Variants in PSD3 observed in about 807,000 individuals in gnomAD.
PSD3 encodes pleckstrin and Sec7 domain containing 3.
Under a neutral mutation model 105.5 loss-of-function variants are expected in PSD3, and 49 were observed. The observed-to-expected ratio is 0.46, with a 90% CI of 0.37 to 0.59. PSD3 has a LOEUF of 0.59. Ranked by LOEUF, PSD3 falls within the 20% of genes least tolerant of loss-of-function variation. The pLI is 0.00. For missense variants in PSD3, 1,561 were observed against 1,263.8 expected, an observed-to-expected ratio of 1.24 and a Z score of -3.57; for synonymous variants, 557 against 457.8, an observed-to-expected ratio of 1.22 and a Z score of -2.77.
chr8:18,764,382 G>A (rs1274001024), intron 9 of PSD3, among the ~76,000 whole-genome samples: 1 of 152,080 alleles, frequency 6.6e-6, no homozygotes, highest in African/African-American at 2.4e-5. Context: ...GGCAGCACTT[G>A]CTGTACAAAG....
chr8:18,795,025 ATAAT>A (rs1810049197), intron 8 of PSD3, among the ~76,000 whole-genome samples: 1 of 152,240 alleles, frequency 6.6e-6, no homozygotes, highest in South Asian at 2.1e-4. Context: ...AGCCAATGCA[ATAAT>A]TAAGTTTATA....
intron 1 of PSD3, among the ~76,000 whole-genome samples, chr8:19,062,032 T>C (rs1567131): frequency 0.1 from 15,465 of 152,244 alleles, 828 homozygotes; most frequent in African/African-American, 0.12. Flanking sequence ...GCCTTCCCAA[T>C]GAAACTGTGA....
At chr8:18,802,256 T>C (rs1251610676) in intron 6 of PSD3, 3 of 248,230 alleles carry the variant, frequency 1.2e-5, no homozygotes, top group Non-Finnish European at 8.6e-6. Flanking sequence ...AGGAAGTGTA[T>C]CAAAAACCAC....
intron 2 of PSD3, among the ~76,000 whole-genome samples, chr8:18,923,519 C>T (rs1209341904): frequency 2.0e-5 from 3 of 152,176 alleles, no homozygotes; most frequent in African/African-American, 7.2e-5. Context: ...GATTATAATG[C>T]CATATTTTCA....
Position 18,535,726 on chromosome 8 carries a change from C to G in PSD3, c.*17G>C, listed in dbSNP as rs928889255. 6.3e-7 allele frequency: 1 copy of G among 1,583,900 alleles called. No individual in the cohort carries two copies. The highest frequency in any genetic ancestry group is 1.3e-5 in the African/African-American group (1 of 74,214). On this transcript the variant is annotated 3_prime_UTR_variant, in exon 16 of 16. Transcript: ENST00000327040. ...TATTTTGCTCCATGACCAGCACTTC[C>G]TGGCCGCAGATGGACTCTAAGTAAC... is the stretch of plus-strand genomic sequence containing the variant.
rs574716258 is a variant in PSD3, at chr8:18,647,732, G to T, written c.2216+7910C>A. Reference sequence around the variant, plus strand: ...CCCCGCTCAAATTTCATGCTGGATTGTAATCCCAAATGTTGAATGTGGGGC... The same window carrying T: ...CCCCGCTCAAATTTCATGCTGGATTTTAATCCCAAATGTTGAATGTGGGGC... On this transcript the variant is annotated intron_variant, in intron 10 of 15. Transcript: ENST00000327040. Among the ~76,000 whole-genome samples the T allele has an allele frequency of 1.4e-4, 20 of 147,096 alleles. No individual in the cohort carries two copies. In the South Asian group the frequency reaches 4.3e-3, roughly 32 times the overall value.
At chr8:18,821,855 ACACACATGCACACACAC>A (rs1812755316) in intron 4 of PSD3, among the ~76,000 whole-genome samples, 1 of 96,554 alleles carries the variant, frequency 1.0e-5, no homozygotes, top group South Asian at 3.9e-4. Flanking sequence ...ACACACATGC[ACACACATGCACACACAC>A]CACACACACA....
At chr8:18,987,269 TTTTC>T (rs541306972) in intron 1 of PSD3, among the ~76,000 whole-genome samples, 1 of 115,924 alleles carries the variant, frequency 8.6e-6, no homozygotes, top group Non-Finnish European at 2.0e-5. Context: ...GAGAAATTTA[TTTTC>T]TTTTTTATTT....
intron 4 of PSD3, among the ~76,000 whole-genome samples, chr8:18,830,218 A>T (rs918589542): frequency 4.6e-5 from 7 of 152,188 alleles, no homozygotes; most frequent in African/African-American, 1.7e-4. Flanking sequence ...CTGGGATTAC[A>T]GGTGTGAGCC....
intron 9 of PSD3, among the ~76,000 whole-genome samples, chr8:18,663,417 C>CT (rs200274923): frequency 0.014 from 2,031 of 149,948 alleles, 40 homozygotes; most frequent in East Asian, 0.064. Context: ...CAGAATGAGA[C>CT]TTTGTCTCAA....
Position 18,677,194 on chromosome 8 carries a change from G to T in PSD3, c.2173-21509C>A, listed in dbSNP as rs918855014. On this transcript the variant is annotated intron_variant, in intron 9 of 15. Transcript: ENST00000327040. Reference sequence around the variant, plus strand: ...CACAGATACAGAGGAACTAGAGGAAGGAGGGAAATTAAGAGGTGGGCAGCA... The same window carrying T: ...CACAGATACAGAGGAACTAGAGGAATGAGGGAAATTAAGAGGTGGGCAGCA... 3.3e-5 allele frequency among the ~76,000 whole-genome samples: 5 copies of T among 152,210 alleles called. No homozygotes were observed. In the East Asian group the frequency reaches 9.6e-4, roughly 29 times the overall value.
chr8:18,895,410 C>T (rs1819081600), intron 2 of PSD3, among the ~76,000 whole-genome samples: 1 of 152,194 alleles, frequency 6.6e-6, no homozygotes, highest in South Asian at 2.1e-4. Flanking sequence ...TCTACAGTCA[C>T]CAAGACTATC....
chr8:18,824,067 GGAGGCT>G (rs2129449708), intron 4 of PSD3, among the ~76,000 whole-genome samples: 1 of 152,216 alleles, frequency 6.6e-6, no homozygotes, highest in South Asian at 2.1e-4. Context: ...TGCCTACTTG[GGAGGCT>G]GAGGCGGGAA....
intron 1 of PSD3, among the ~76,000 whole-genome samples, chr8:18,967,258 T>C (rs895399226): frequency 5.9e-5 from 9 of 151,728 alleles, no homozygotes; most frequent in Non-Finnish European, 8.8e-5. Flanking sequence ...CAGGTTCAAG[T>C]GATTCTCCCG....
intron 9 of PSD3, among the ~76,000 whole-genome samples, chr8:18,749,391 G>T (rs993379471): frequency 1.3e-5 from 2 of 152,170 alleles, no homozygotes; most frequent in Non-Finnish European, 2.9e-5. Flanking sequence ...CCAGTTGAAA[G>T]TCATTTCTCT....
intron 1 of PSD3, among the ~76,000 whole-genome samples, chr8:19,051,968 A>G (rs1159651269): frequency 1.3e-5 from 2 of 152,222 alleles, no homozygotes; most frequent in Non-Finnish European, 2.9e-5. Flanking sequence ...AAAAGAGAGG[A>G]CAGATGTAGA....
intron 9 of PSD3, among the ~76,000 whole-genome samples, chr8:18,736,519 T>G (rs1189381200): frequency 1.3e-5 from 2 of 152,184 alleles, no homozygotes; most frequent in Admixed American, 1.3e-4. Flanking sequence ...AGAGTCTATT[T>G]ATTAATCCTA....
At chr8:18,978,022 C>G (rs979047960) in intron 1 of PSD3, among the ~76,000 whole-genome samples, 3 of 152,174 alleles carry the variant, frequency 2.0e-5, no homozygotes, top group Non-Finnish European at 4.4e-5. Context: ...ATGACGCTAG[C>G]AAGGAAAACA....
intron 11 of PSD3, among the ~76,000 whole-genome samples, chr8:18,615,751 T>C (rs1032269997): frequency 6.6e-6 from 1 of 152,210 alleles, no homozygotes; most frequent in African/African-American, 2.4e-5. Context: ...AGGTAACTGC[T>C]GAATCAGACA....
Sources: gnomAD v4.1 joint callset for allele counts (sites outside exome capture counted in the v4.1 genomes callset) on GRCh38, gnomAD v4.1.1 for gene constraint, MANE v1.5 for transcripts, NCBI Gene and HGNC (gene_info 2026-07-23, HGNC 2026-07-21) for gene names.